The following RMDN2 variants were observed in gnomAD, a reference collection of about 807,000 sequenced individuals.
RMDN2 encodes regulator of microtubule dynamics 2.
RMDN2 carries 61 observed loss-of-function variants against 52.8 expected under a neutral mutation model. The ratio of observed to expected loss-of-function variants is 1.16; its 90% CI spans 0.94 to 1.43. The LOEUF is 1.43. RMDN2 is among the 40% of genes most tolerant of loss of function. The pLI is 0.00. For missense variants in RMDN2, 592 were observed against 475.3 expected, an observed-to-expected ratio of 1.25 and a Z score of -2.28; for synonymous variants, 180 against 153.1, an observed-to-expected ratio of 1.18 and a Z score of -1.30.
intron 10 of RMDN2, among the ~76,000 whole-genome samples, chr2:38,059,575 G>T (rs898367315): frequency 6.6e-6 from 1 of 152,174 alleles, no homozygotes; most frequent in African/African-American, 2.4e-5. Context: ...TTATGTGTTG[G>T]GAGCGTAGGG....
chr2:37,976,765 A>G (rs1319831112), intron 4 of RMDN2, among the ~76,000 whole-genome samples: 1 of 152,206 alleles, frequency 6.6e-6, no homozygotes, highest in Admixed American at 6.5e-5. Context: ...ATTTATTTTC[A>G]TATCTACTGA....
chr2:37,953,938 C>G (rs1321354137), intron 2 of RMDN2, among the ~76,000 whole-genome samples: 2 of 151,936 alleles, frequency 1.3e-5, no homozygotes, highest in Non-Finnish European at 2.9e-5. Flanking sequence ...TTGAATATCC[C>G]TAATGATTAG....
chr2:37,996,970 T>C (rs965543736), intron 7 of RMDN2, among the ~76,000 whole-genome samples: 1 of 152,108 alleles, frequency 6.6e-6, no homozygotes, highest in African/African-American at 2.4e-5. Context: ...AGGAGGCCAG[T>C]TGGCAGCATG....
intron 2 of RMDN2, chr2:37,951,410 A>G (rs780608119): frequency 1.2e-6 from 2 of 1,613,032 alleles, no homozygotes; most frequent in Non-Finnish European, 1.7e-6. Flanking sequence ...GAAGGTTATT[A>G]TCTGTATCAA....
At chr2:37,995,642 G>T (rs1470095116) in intron 7 of RMDN2, among the ~76,000 whole-genome samples, 1 of 152,072 alleles carries the variant, frequency 6.6e-6, no homozygotes, top group Admixed American at 6.5e-5. Flanking sequence ...TAATAAGCTT[G>T]ATCTAATAAA....
At chr2:37,964,219 AGGGCGGCTGCC>A (rs953622967) in intron 2 of RMDN2, among the ~76,000 whole-genome samples, 18 of 146,926 alleles carry the variant, frequency 1.2e-4, no homozygotes, top group African/African-American at 4.5e-4. Flanking sequence ...CTTCTCAGAC[AGGGCGGCTGCC>A]GGGCGGAGGG....
chr2:37,942,742 A>T (rs1050097865), intron 2 of RMDN2, among the ~76,000 whole-genome samples: 2 of 152,258 alleles, frequency 1.3e-5, no homozygotes, highest in Admixed American at 1.3e-4. Flanking sequence ...AAGAAAAGTC[A>T]CATTAACATT....
chr2:38,004,716 T>G (rs770493584), intron 10 of RMDN2, among the ~76,000 whole-genome samples: 3 of 152,032 alleles, frequency 2.0e-5, no homozygotes, highest in Non-Finnish European at 4.4e-5. Context: ...TATTATACTT[T>G]AAGTTTTAGG....
At chr2:38,000,259 A>T (rs779421653) in intron 8 of RMDN2, among the ~76,000 whole-genome samples, 1 of 152,200 alleles carries the variant, frequency 6.6e-6, no homozygotes, top group Non-Finnish European at 1.5e-5. Context: ...TTGGCTGTGC[A>T]TTGCAGTCAT....
In RMDN2 at chr2:37,929,615, G is replaced by A; in HGVS notation, c.338G>A (p.Gly113Glu). ...LEEYIQDELG[G>E]KITVHKISPQ... Reference sequence around the variant, plus strand: ...GAATATATACAAGATGAACTTGGAGGGAAAATAACTGTTCATAAGATAAGC... The same window carrying A: ...GAATATATACAAGATGAACTTGGAGAGAAAATAACTGTTCATAAGATAAGC... Residue 113 changes from glycine to glutamate, a missense_variant, in exon 2 of 11, where the codon GGG (glycine) becomes GAG (glutamate). By Grantham distance (98) the Gly-to-Glu change is moderately conservative. Transcript: ENST00000354545. 6.4e-7 allele frequency: 1 copy of A among 1,551,432 alleles called. No homozygotes were observed. Among genetic ancestry groups the A allele is most frequent in the Non-Finnish European group, 8.7e-7 (1 of 1,146,792 alleles).
chr2:37,921,829 T>C (rs993325409), upstream of RMDN2, among the ~76,000 whole-genome samples: 3 of 152,220 alleles, frequency 2.0e-5, no homozygotes, highest in African/African-American at 4.8e-5. Context: ...CTCACCTGTA[T>C]GTTATTTACT....
At chr2:37,929,132 G>A in intron 1 of RMDN2, 130 bp from the exon 2 acceptor site, 1 of 603,174 alleles carries the variant, frequency 1.7e-6, no homozygotes, top group Non-Finnish European at 3.0e-6. Context: ...CCCACCCTTT[G>A]GGCTATTGTC....
intron 2 of RMDN2, among the ~76,000 whole-genome samples, chr2:37,936,863 ACTTT>A (rs1667336719): frequency 6.6e-6 from 1 of 152,156 alleles, no homozygotes; most frequent in Non-Finnish European, 1.5e-5. Context: ...CTCTGATGAT[ACTTT>A]CTTTTGCTGT....
intron 10 of RMDN2, among the ~76,000 whole-genome samples, chr2:38,007,200 C>T (rs899386576): frequency 6.6e-6 from 1 of 152,176 alleles, no homozygotes; most frequent in Admixed American, 6.5e-5. Context: ...GCTTTGGTAT[C>T]AGGATGATGC....
chr2:38,060,118 ATTTTT>A (rs141442812), intron 10 of RMDN2, among the ~76,000 whole-genome samples: 2 of 92,426 alleles, frequency 2.2e-5, no homozygotes, highest in African/African-American at 4.9e-5. Context: ...ATTTTATTTT[ATTTTT>A]TTTAGTAGAG....
Position 38,000,905 on chromosome 2 carries a change from A to C in RMDN2, c.1045-3086A>C, listed in dbSNP as rs17021831. ...TGGTATGTGCTTTTAAACGTTGATC[A>C]GTGTTTTTAAAGATCATAAAACTAT... On this transcript the variant is annotated intron_variant, in intron 8 of 10. Transcript: ENST00000354545. Among the ~76,000 whole-genome samples, 1,064 of 152,360 alleles carry C rather than the reference A, an allele frequency of 7.0e-3. 6 individuals are homozygous for C. The highest frequency in any genetic ancestry group is 0.024 in the African/African-American group (1,008 of 41,584).
At chr2:37,933,976 C>T (rs1667081195) in intron 2 of RMDN2, among the ~76,000 whole-genome samples, 2 of 152,114 alleles carry the variant, frequency 1.3e-5, no homozygotes, top group Non-Finnish European at 2.9e-5. Context: ...TGAAGACTGG[C>T]CATGGGGAGG....
chr2:37,988,693 C>G (rs1232475203), intron 5 of RMDN2, among the ~76,000 whole-genome samples: 1 of 152,134 alleles, frequency 6.6e-6, no homozygotes, highest in Admixed American at 6.5e-5. Context: ...TAAAAATTAA[C>G]ACCTACTCGA....
At chr2:38,030,392 T>A (rs1490675526) in intron 10 of RMDN2, 1 of 152,214 alleles carries the variant, frequency 6.6e-6, no homozygotes, top group Non-Finnish European at 1.5e-5. Context: ...GCTGTTTTTT[T>A]AATAATAAAG....
Sources: gnomAD v4.1 joint callset for allele counts (sites outside exome capture counted in the v4.1 genomes callset) on GRCh38, gnomAD v4.1.1 for gene constraint, MANE v1.5 for transcripts, NCBI Gene and HGNC (gene_info 2026-07-23, HGNC 2026-07-21) for gene names.